Variants in HMGA2 observed in about 807,000 individuals in gnomAD.
The protein encoded by HMGA2 is high mobility group protein HMGI-C.
Under a neutral mutation model 19.1 loss-of-function variants are expected in HMGA2, and 8 were observed. The observed-to-expected ratio is 0.42, with a 90% CI of 0.25 to 0.76. The LOEUF is 0.76. Ranked by LOEUF, HMGA2 falls within the 30% of genes least tolerant of loss-of-function variation. HMGA2 has a pLI of 0.28. For synonymous variants in HMGA2, 60 were observed against 48.8 expected, an observed-to-expected ratio of 1.23 and a Z score of -0.96; for missense variants, 109 against 136.3, an observed-to-expected ratio of 0.80 and a Z score of 1.00.
intron 3 of HMGA2, among the ~76,000 whole-genome samples, chr12:65,841,388 A>G (rs543748862): frequency 6.6e-6 from 1 of 152,216 alleles, no homozygotes; most frequent in Non-Finnish European, 1.5e-5. Flanking sequence ...TCCCCAAAGA[A>G]GAGTTGTTCT....
At chr12:65,917,021 G>A (rs1350971249) in intron 3 of HMGA2, among the ~76,000 whole-genome samples, 1 of 152,160 alleles carries the variant, frequency 6.6e-6, no homozygotes, top group African/African-American at 2.4e-5. Context: ...GAGAAATAAG[G>A]GACTGAAAAG....
intron 4 of HMGA2, chr12:65,952,537 T>C (rs1272779049): frequency 1.4e-6 from 2 of 1,420,506 alleles, no homozygotes; most frequent in African/African-American, 2.9e-5. Flanking sequence ...ATGAAAAAAA[T>C]CATTTTCATT....
At chr12:65,947,041 C>G (rs1876291155) in intron 3 of HMGA2, among the ~76,000 whole-genome samples, 1 of 152,156 alleles carries the variant, frequency 6.6e-6, no homozygotes, top group African/African-American at 2.4e-5. Flanking sequence ...GAGAACTACT[C>G]ACTGAAATCC....
chr12:65,866,043 A>C (rs561407668), intron 3 of HMGA2, among the ~76,000 whole-genome samples: 2 of 152,312 alleles, frequency 1.3e-5, no homozygotes, highest in South Asian at 4.1e-4. Flanking sequence ...GTGTATAACT[A>C]TAATTCCTTT....
chr12:65,885,137 C>A (rs748632494), intron 3 of HMGA2, among the ~76,000 whole-genome samples: 2 of 152,074 alleles, frequency 1.3e-5, no homozygotes, highest in Non-Finnish European at 2.9e-5. Flanking sequence ...TTCCTTAGAA[C>A]TTTATCTAGA....
intron 3 of HMGA2, among the ~76,000 whole-genome samples, chr12:65,930,550 A>G (rs992253677): frequency 1.3e-5 from 2 of 152,176 alleles, no homozygotes; most frequent in African/African-American, 2.4e-5. Flanking sequence ...GAAAATGGAC[A>G]CCGGCCTCTT....
intron 3 of HMGA2, among the ~76,000 whole-genome samples, chr12:65,913,442 A>G (rs1489187834): frequency 6.6e-6 from 1 of 151,996 alleles, no homozygotes. Context: ...GTTGAAGCCC[A>G]TTTTCTAATC....
chr12:65,934,247 C>T (rs12810758), intron 3 of HMGA2, among the ~76,000 whole-genome samples: 42,808 of 152,036 alleles, frequency 0.28, 6,640 homozygotes, highest in South Asian at 0.4. Flanking sequence ...TGGCACTGTG[C>T]AACCATTGAT....
At chr12:65,832,348 T>C (rs1486612898) in intron 2 of HMGA2, among the ~76,000 whole-genome samples, 2 of 151,954 alleles carry the variant, frequency 1.3e-5, no homozygotes, top group African/African-American at 4.8e-5. Context: ...GTTCTACTTC[T>C]CTGGAAGCTC....
intron 3 of HMGA2, among the ~76,000 whole-genome samples, chr12:65,853,657 C>T (rs545593137): frequency 3.9e-5 from 6 of 152,206 alleles, no homozygotes; most frequent in Admixed American, 1.3e-4. Context: ...TGATTCTGAG[C>T]GGGCAGAGTG....
Position 65,843,009 on chromosome 12 carries a change from T to A in HMGA2, c.249+4440T>A, listed in dbSNP as rs146792957. 29 of 384,378 alleles carry A rather than the reference T, an allele frequency of 7.5e-5. No individual in the cohort carries two copies. In the East Asian group the frequency reaches 1.5e-3, roughly 19 times the overall value. 23.8% of individuals were successfully genotyped at this position (384,378 alleles called of 1,614,324 possible). A position where few individuals can be genotyped will look rare whatever the true frequency, so the allele number is the denominator to read the frequency against. On this transcript the variant is annotated intron_variant, in intron 3 of 4. Transcript: ENST00000403681. ...CAAGAACCAAATAATGAAGACTACATCAATGGGAACAAGTGATACTTTTAG... is the reference window on the plus strand; with the variant it reads ...CAAGAACCAAATAATGAAGACTACAACAATGGGAACAAGTGATACTTTTAG...
chr12:65,824,723 CTCTCTCT>C lies in HMGA2; in HGVS notation c.-547_-541del. The C allele has an allele frequency of 7.8e-6, 1 of 128,126 alleles. No individual in the cohort carries two copies. The allele number at this position is 128,126 out of a possible 1,614,324, so 7.9% of individuals were successfully genotyped here. A position where few individuals can be genotyped will look rare whatever the true frequency, so the allele number is the denominator to read the frequency against. On this transcript the variant is annotated 5_prime_UTR_variant, in exon 1 of 5. Coordinates refer to ENST00000403681, the MANE Select transcript of HMGA2 (RefSeq NM_003483.6). ...TTCAATCTCAATCTCTTCTCTCTCT[CTCTCTCT>C]CTCTCTCTCTCTCTCTCTCTCTCTC... is the stretch of plus-strand genomic sequence containing the variant.
chr12:65,893,634 G>A (rs1173974575), intron 3 of HMGA2, among the ~76,000 whole-genome samples: 2 of 152,158 alleles, frequency 1.3e-5, no homozygotes, highest in Non-Finnish European at 2.9e-5. Flanking sequence ...TGCAGCCTTC[G>A]AGGTTTAGAG....
intron 2 of HMGA2, 117 bp downstream of exon 2, chr12:65,828,204 A>G: frequency 1.3e-6 from 1 of 768,548 alleles, no homozygotes; most frequent in South Asian, 1.4e-5. Flanking sequence ...GGGTAACACA[A>G]GACTCATTTC....
At chr12:65,947,560 T>G (rs899780704) in intron 3 of HMGA2, among the ~76,000 whole-genome samples, 1 of 152,214 alleles carries the variant, frequency 6.6e-6, no homozygotes, top group African/African-American at 2.4e-5. Context: ...GGATTTTCAT[T>G]ACAAGCTTTT....
chr12:65,896,341 G>A (rs1447556915), intron 3 of HMGA2, among the ~76,000 whole-genome samples: 6 of 152,310 alleles, frequency 3.9e-5, no homozygotes, highest in Admixed American at 1.3e-4. Context: ...GCCCTTTGGC[G>A]AATTCCCTCT....
At chr12:65,962,953 G>A (rs1198491882) in intron 4 of HMGA2, among the ~76,000 whole-genome samples, 1 of 152,012 alleles carries the variant, frequency 6.6e-6, no homozygotes, top group Non-Finnish European at 1.5e-5. Context: ...GTGAGTAAGC[G>A]TGCATTGCCC....
rs188191991 is a variant in HMGA2, at chr12:65,847,135, G to T, written c.249+8566G>T. On this transcript the variant is annotated intron_variant, in intron 3 of 4. Transcript: ENST00000403681. ...ATGATATATGAATTGGTTGTGCTAT[G>T]TGCTGTGTGCCTGGGGTTACATTCT... Among the ~76,000 whole-genome samples the T allele has an allele frequency of 2.4e-4, 37 of 152,212 alleles. 1 individual carries two copies. Among genetic ancestry groups the T allele is most frequent in the African/African-American group, 8.9e-4 (37 of 41,528 alleles).
intron 3 of HMGA2, among the ~76,000 whole-genome samples, chr12:65,853,095 G>A (rs754383533): frequency 3.9e-5 from 6 of 152,186 alleles, no homozygotes; most frequent in Non-Finnish European, 7.3e-5. Flanking sequence ...GAGGGGGAAG[G>A]TTGCCGACTG....
Sources: allele counts gnomAD v4.1 joint callset (sites outside exome capture counted in the v4.1 genomes callset), GRCh38; gene constraint gnomAD v4.1.1; transcripts MANE v1.5; gene names NCBI Gene and HGNC (gene_info 2026-07-23, HGNC 2026-07-21).